Variants in ASTN2 observed in about 807,000 individuals in gnomAD.
ASTN2 encodes the protein astrotactin-2.
Under a neutral mutation model 139.8 loss-of-function variants are expected in ASTN2, and 54 were observed. The ratio of observed to expected loss-of-function variants is 0.39; its 90% CI spans 0.31 to 0.48. The LOEUF (loss-of-function observed/expected upper bound fraction) is 0.48. Ranked by LOEUF, ASTN2 falls within the 20% of genes least tolerant of loss-of-function variation. The pLI, the probability that ASTN2 is intolerant of heterozygous loss-of-function variation, is 0.95. For missense variants in ASTN2, 1,565 were observed against 1,725.1 expected (o/e 0.91, Z 1.64); for synonymous variants, 756 against 719.5 (o/e 1.05, Z -0.81).
intron 1 of ASTN2, among the ~76,000 whole-genome samples, chr9:117,367,182 A>G (rs1829867081): frequency 6.6e-6 from 1 of 152,202 alleles, no homozygotes. Flanking sequence ...GTTTTGTGGC[A>G]ACAATAGTCA....
chr9:116,462,547 C>T (rs543400409), intron 20 of ASTN2, among the ~76,000 whole-genome samples: 3 of 152,012 alleles, frequency 2.0e-5, no homozygotes, highest in Non-Finnish European at 4.4e-5. Flanking sequence ...GAAAAATCAC[C>T]AGGATTATAC....
At chr9:116,434,191 A>G (rs184383389) in intron 22 of ASTN2, among the ~76,000 whole-genome samples, 1 of 152,308 alleles carries the variant, frequency 6.6e-6, no homozygotes, top group East Asian at 1.9e-4. Context: ...AGAAAAGAGG[A>G]ATACAATGTT....
chr9:116,942,092 A>ACG lies in ASTN2; in HGVS notation c.1889+33115_1889+33116insCG, dbSNP rs1564351939. On this transcript the variant is annotated intron_variant, in intron 10 of 22. Transcript: ENST00000313400. ...TGCAAGTGCACGTACGCACGCACGC[A>ACG]CACACACACACACACACACACACCA... is the stretch of plus-strand genomic sequence containing the variant. Among the ~76,000 whole-genome samples the ACG allele has an allele frequency of 1.8e-4, 26 of 141,678 alleles. 1 individual carries two copies. The highest frequency in any genetic ancestry group is 1.2e-3 in the East Asian group (6 of 5,090). The allele number at this position is 141,678 out of a possible 152,430, so 92.9% of individuals were successfully genotyped here.
At chr9:116,616,252 T>C (rs1186348130) in intron 19 of ASTN2, among the ~76,000 whole-genome samples, 5 of 152,186 alleles carry the variant, frequency 3.3e-5, no homozygotes, top group African/African-American at 1.2e-4. Context: ...GGTGATCTCC[T>C]AAGATCCTTC....
intron 2 of ASTN2, among the ~76,000 whole-genome samples, chr9:117,255,005 A>T (rs1380972918): frequency 6.6e-6 from 1 of 152,266 alleles, no homozygotes; most frequent in Non-Finnish European, 1.5e-5. Context: ...GCAGCGAAGA[A>T]CATCTAAATT....
At chr9:117,051,223 A>G (rs1354260893) in intron 5 of ASTN2, among the ~76,000 whole-genome samples, 1 of 86,896 alleles carries the variant, frequency 1.2e-5, no homozygotes, top group African/African-American at 3.9e-5. Flanking sequence ...GGAGCTTATT[A>G]ACTAAAAAAA....
At chr9:117,315,458 T>C (rs1458843115) in intron 1 of ASTN2, among the ~76,000 whole-genome samples, 1 of 152,172 alleles carries the variant, frequency 6.6e-6, no homozygotes, top group East Asian at 1.9e-4. Context: ...ATGATCAAGG[T>C]AATCCAACTA....
At chr9:116,661,535 ATGGGACGTATTGGC>A (rs1245119399) in intron 16 of ASTN2, among the ~76,000 whole-genome samples, 1 of 152,052 alleles carries the variant, frequency 6.6e-6, no homozygotes, top group Non-Finnish European at 1.5e-5. Flanking sequence ...TAGAGACCTG[ATGGGACGTATTGGC>A]TGGGAAGGAA....
chr9:116,994,570 A>T (rs1453171703), intron 7 of ASTN2, among the ~76,000 whole-genome samples: 1 of 152,228 alleles, frequency 6.6e-6, no homozygotes, highest in Admixed American at 6.5e-5. Flanking sequence ...TATGAAAGCC[A>T]CCAGCCAGAT....
chr9:116,662,804 G>A (rs1007547258), intron 16 of ASTN2, among the ~76,000 whole-genome samples: 2 of 152,070 alleles, frequency 1.3e-5, no homozygotes, highest in African/African-American at 2.4e-5. Context: ...AAGACATTGT[G>A]GATCTCATGG....
At chr9:116,524,356 A>G (rs1441777231) in intron 19 of ASTN2, among the ~76,000 whole-genome samples, 1 of 152,214 alleles carries the variant, frequency 6.6e-6, no homozygotes, top group Admixed American at 6.5e-5. Flanking sequence ...TTACTATTTC[A>G]GCCATAGATC....
At position 116,863,635 on chromosome 9, in the gene ASTN2, G is replaced by T. The variant is rs371946288; in HGVS notation, c.1988C>A (p.Thr663Asn). 16 of 1,614,084 alleles carry T rather than the reference G, an allele frequency of 9.9e-6. No homozygotes were observed. Among genetic ancestry groups the T allele is most frequent in the Middle Eastern group, 1.6e-4 (1 of 6,084 alleles). ...RDCSRNNGGC[T>N]RNFKCVSDRQ... ...GTCAGACACACACTTGAAGTTGCGA[G>T]TGCAGCCCCCATTGTTCCGAGAGCA... is the stretch of plus-strand genomic sequence containing the variant. Residue 663 changes from threonine (T) to asparagine (N), a missense_variant, in exon 11 of 23, where the codon ACT becomes AAT. Physicochemically the swap from Thr to Asn is moderately conservative, Grantham distance 65. Around this residue, in one of 4 missense-constraint regions of ASTN2, gnomAD observed 503 missense variants for 591.7 expected, o/e 0.85. Transcript: ENST00000313400.
chr9:116,541,815 T>A (rs1851887983), intron 19 of ASTN2, among the ~76,000 whole-genome samples: 1 of 152,176 alleles, frequency 6.6e-6, no homozygotes, highest in South Asian at 2.1e-4. Flanking sequence ...AAACCAGAAG[T>A]GCTTTAATTA....
chr9:116,718,246 G>A (rs566254975), intron 16 of ASTN2, among the ~76,000 whole-genome samples: 9 of 152,328 alleles, frequency 5.9e-5, no homozygotes, highest in Admixed American at 3.9e-4. Context: ...AAGGCCAAGT[G>A]ACAAAAGGAT....
In ASTN2 at chr9:116,698,910, C is replaced by T. The variant is rs754554333; in HGVS notation, c.2806+26861G>A. The T allele has an allele frequency of 3.5e-5, 57 of 1,614,084 alleles. No homozygotes were observed. The highest frequency in any genetic ancestry group is 4.3e-5 in the Non-Finnish European group (51 of 1,180,050). The stretch of plus-strand genomic sequence containing the variant: ...TCAAGGTGAAGTACTAGTCGCTGAC[C>T]GTGGTAACTATCGTATACAAGTCTT... On this transcript the variant is annotated intron_variant, in intron 16 of 22. Transcript: ENST00000313400. This position sits in a 1 kb window ranked among gnomAD's most constrained non-coding sequence, Gnocchi z 4.4.
chr9:116,661,746 T>C (rs1259971269), intron 16 of ASTN2, among the ~76,000 whole-genome samples: 1 of 152,060 alleles, frequency 6.6e-6, no homozygotes, highest in Middle Eastern at 3.2e-3. Flanking sequence ...AACCAGGCCC[T>C]CTTTGTATAG....
At chr9:116,824,802 T>G (rs927480749) in intron 11 of ASTN2, among the ~76,000 whole-genome samples, 1 of 152,240 alleles carries the variant, frequency 6.6e-6, no homozygotes, top group East Asian at 1.9e-4. Context: ...TCTGCTGTTA[T>G]AGGTATTTGT....
chr9:117,263,923 T>C (rs143915762), intron 2 of ASTN2, among the ~76,000 whole-genome samples: 5 of 152,244 alleles, frequency 3.3e-5, no homozygotes, highest in African/African-American at 1.2e-4. Flanking sequence ...TCCCAGCACA[T>C]TGGGAGGCTG....
At chr9:116,919,985 G>A (rs1250612259) in intron 10 of ASTN2, among the ~76,000 whole-genome samples, 1 of 151,806 alleles carries the variant, frequency 6.6e-6, no homozygotes, top group Non-Finnish European at 1.5e-5. Context: ...GAATTAGAGT[G>A]TGGTGGTCAT....
Sources: gnomAD v4.1 joint callset for allele counts (sites outside exome capture counted in the v4.1 genomes callset) on GRCh38, gnomAD v4.1.1 for gene constraint, gnomAD v4.1.1 regional missense constraint, Gnocchi (gnomAD v3.1) non-coding constraint, MANE v1.5 for transcripts, NCBI Gene and HGNC (gene_info 2026-07-23, HGNC 2026-07-21) for gene names.